Variants in NEDD4L observed in about 807,000 individuals in gnomAD.
NEDD4L encodes the protein E3 ubiquitin-protein ligase NEDD4-like.
Under a neutral mutation model 148.9 loss-of-function variants are expected in NEDD4L, and 54 were observed. The observed-to-expected ratio is 0.36, with a 90% CI of 0.29 to 0.45. The LOEUF (loss-of-function observed/expected upper bound fraction) is 0.45. Ranked by LOEUF, NEDD4L falls within the 20% of genes least tolerant of loss-of-function variation. The pLI is 1.00. For synonymous variants in NEDD4L, 433 were observed against 440.7 expected, an observed-to-expected ratio of 0.98 and a Z score of 0.22; for missense variants, 856 against 1,233.8, an observed-to-expected ratio of 0.69 and a Z score of 4.59.
intron 5 of NEDD4L, among the ~76,000 whole-genome samples, chr18:58,299,780 T>C (rs2056213832): frequency 6.6e-6 from 1 of 152,172 alleles, no homozygotes; most frequent in Non-Finnish European, 1.5e-5. Context: ...TTTTTAAAAA[T>C]AAGGTTTTAA....
At chr18:58,357,482 G>A (rs528166350) in intron 19 of NEDD4L, 8 of 678,350 alleles carry the variant, frequency 1.2e-5, no homozygotes, top group Non-Finnish European at 2.2e-5. Flanking sequence ...GATAACGACA[G>A]CAGAATTAAA....
rs8088115 is a variant in NEDD4L at position 58,145,631 on chromosome 18, T to C, written c.49-20157T>C. On this transcript the variant is annotated intron_variant, in intron 1 of 30. Transcript: ENST00000400345. ...ACCTATGGATGTTTAAGGAATTGGG[T>C]TTTTTTTTTTTCTCCTTTGATGAAT... Among the ~76,000 whole-genome samples the C allele has an allele frequency of 2.4e-4, 26 of 110,154 alleles. 1 individual carries two copies. Among genetic ancestry groups the C allele is most frequent in the Middle Eastern group, 4.3e-3 (1 of 230 alleles). 72.3% of individuals were successfully genotyped at this position (110,154 alleles called of 152,430 possible).
intron 1 of NEDD4L, among the ~76,000 whole-genome samples, chr18:58,144,504 A>T (rs1295624612): frequency 6.6e-6 from 1 of 152,184 alleles, no homozygotes; most frequent in Non-Finnish European, 1.5e-5. Flanking sequence ...ATTATTGTCA[A>T]CATGAGATTT....
intron 13 of NEDD4L, among the ~76,000 whole-genome samples, chr18:58,337,998 G>A (rs1172873596): frequency 1.3e-5 from 2 of 152,158 alleles, no homozygotes; most frequent in South Asian, 2.1e-4. Context: ...AAAAATACAC[G>A]AGCCACCATT....
At chr18:58,367,937 A>G in intron 22 of NEDD4L, 70 bp downstream of exon 22, 1 of 1,540,756 alleles carries the variant, frequency 6.5e-7, no homozygotes, top group Non-Finnish European at 8.9e-7. Context: ...TATCTTTCGC[A>G]TCATGGGTTT....
Position 58,089,837 on chromosome 18 carries a change from T to C in NEDD4L, c.48+45129T>C, listed in dbSNP as rs984059579. ...TTCTGTGTCTGTGTCCAAACTTCCT[T>C]TTCCTTTTTTTTTTTTTTTTGAGAC... On this transcript the variant is annotated intron_variant, in intron 1 of 30. Transcript: ENST00000400345. Among the ~76,000 whole-genome samples the C allele has an allele frequency of 2.8e-5, 4 of 144,644 alleles. No individual in the cohort carries two copies. In the Admixed American group the frequency reaches 2.9e-4, roughly 10 times the overall value. 94.9% of individuals were successfully genotyped at this position (144,644 alleles called of 152,430 possible).
At position 58,108,919 on chromosome 18, in the gene NEDD4L, T is replaced by A. The variant is rs570997507; in HGVS notation, c.49-56869T>A. Among the ~76,000 whole-genome samples, 4 of 152,336 alleles carry A rather than the reference T, an allele frequency of 2.6e-5. No individual in the cohort carries two copies. The South Asian group carries it at 8.3e-4, about 32-fold the overall frequency. On this transcript the variant is annotated intron_variant, in intron 1 of 30. Transcript: ENST00000400345. ...CATCACATTGGATTGCCACATGCAG[T>A]AATGGATGTGGAGGTTCTGTCCAGC...
chr18:58,328,032 T>G (rs2144574212), intron 9 of NEDD4L, among the ~76,000 whole-genome samples: 1 of 152,196 alleles, frequency 6.6e-6, no homozygotes, highest in Non-Finnish European at 1.5e-5. Flanking sequence ...ACATGATCTC[T>G]CAGCTCACTG....
intron 1 of NEDD4L, chr18:58,046,247 C>T (rs2081578013): frequency 1.3e-5 from 2 of 151,894 alleles, no homozygotes; most frequent in Non-Finnish European, 2.9e-5. Context: ...TTTCATTGAC[C>T]CGGGGGGCTT....
chr18:58,343,081 A>G lies in NEDD4L; in HGVS notation c.1553A>G (p.His518Arg), dbSNP rs1357877128. 2 of 1,610,184 alleles carry G rather than the reference A, an allele frequency of 1.2e-6. No individual in the cohort carries two copies. Among genetic ancestry groups the G allele is most frequent in the South Asian group, 1.1e-5 (1 of 90,212 alleles). Residue 518 changes from histidine (H) to arginine (R), a missense_variant, in exon 16 of 31, where the codon CAT becomes CGT. Transcript: ENST00000400345. ...AACGGCCGGCCCTTCTTCATTGATC[A>G]TAACACAAAGACTACAACCTGGGTA... Reference protein sequence around the residue: ...APNGRPFFIDHNTKTTTWEDP... With the variant: ...APNGRPFFIDRNTKTTTWEDP...
chr18:58,090,943 C>T (rs765125704), intron 1 of NEDD4L: 1 of 152,192 alleles, frequency 6.6e-6, no homozygotes, highest in Non-Finnish European at 1.5e-5. Flanking sequence ...CAAGCAGGTC[C>T]CCTGTCCAGG....
intron 2 of NEDD4L, among the ~76,000 whole-genome samples, chr18:58,177,533 G>A (rs888512535): frequency 6.6e-6 from 1 of 152,132 alleles, no homozygotes; most frequent in African/African-American, 2.4e-5. Context: ...CCTTTTTAAT[G>A]GTTCTCCCCA....
At chr18:58,095,985 A>G (rs1361013290) in intron 1 of NEDD4L, among the ~76,000 whole-genome samples, 1 of 151,934 alleles carries the variant, frequency 6.6e-6, no homozygotes, top group East Asian at 1.9e-4. Context: ...GTGGCCCAAG[A>G]CAATTCTTCT....
At chr18:58,090,741 G>A (rs1437759287) in intron 1 of NEDD4L, 1 of 152,270 alleles carries the variant, frequency 6.6e-6, no homozygotes, top group African/African-American at 2.4e-5. Context: ...GCCTCCCAAA[G>A]TGCTGGGATT....
intron 2 of NEDD4L, among the ~76,000 whole-genome samples, chr18:58,216,008 G>T (rs928510404): frequency 6.7e-5 from 10 of 148,834 alleles, no homozygotes; most frequent in Non-Finnish European, 1.3e-4. Flanking sequence ...GTCAGATTCT[G>T]TTCCTATGAT....
intron 5 of NEDD4L, chr18:58,314,414 G>A (rs2058044319): frequency 2.0e-5 from 2 of 101,898 alleles, no homozygotes; most frequent in Admixed American, 9.6e-5. Context: ...AAGAGACTCT[G>A]TCTCAAAAAA....
chr18:58,068,275 T>C lies in NEDD4L; in HGVS notation c.48+23567T>C, dbSNP rs539803341. Among the ~76,000 whole-genome samples the C allele has an allele frequency of 4.0e-5, 6 of 150,750 alleles. No homozygotes were observed. The East Asian group carries it at 1.2e-3, about 29-fold the overall frequency. On this transcript the variant is annotated intron_variant, in intron 1 of 30. Transcript: ENST00000400345. ...AGTGCAGTGGCATGATCTTGGCTCA[T>C]TGCAAACTCCGCCTCCCAGGTTCAC...
At chr18:58,262,224 A>G (rs553479914) in intron 5 of NEDD4L, among the ~76,000 whole-genome samples, 2 of 152,350 alleles carry the variant, frequency 1.3e-5, no homozygotes, top group South Asian at 2.1e-4. Context: ...CAGAATGTCT[A>G]TACATTTCTG....
chr18:58,132,991 T>A (rs2032364613), intron 1 of NEDD4L, among the ~76,000 whole-genome samples: 2 of 152,184 alleles, frequency 1.3e-5, no homozygotes, highest in Non-Finnish European at 2.9e-5. Context: ...GACCATAGCG[T>A]GCATTTTCAA....
Sources: gnomAD v4.1 joint callset for allele counts (sites outside exome capture counted in the v4.1 genomes callset) on GRCh38, gnomAD v4.1.1 for gene constraint, MANE v1.5 for transcripts, NCBI Gene and HGNC (gene_info 2026-07-23, HGNC 2026-07-21) for gene names.